Variants in PPP2CA observed in about 807,000 individuals in gnomAD.
The protein encoded by PPP2CA is protein phosphatase 2 catalytic subunit alpha, also known as serine/threonine-protein phosphatase 2A catalytic subunit alpha isoform.
A neutral mutation model predicts 38.8 loss-of-function variants in PPP2CA; 5 were observed. The observed-to-expected ratio is 0.13, with a 90% CI of 0.07 to 0.27. The LOEUF (loss-of-function observed/expected upper bound fraction) is 0.27, where lower values mean the gene tolerates loss of function less well. Ranked by LOEUF, PPP2CA falls within the 10% of genes least tolerant of loss-of-function variation. The probability of loss-of-function intolerance (pLI) is 1.00; values close to 1 mark genes in which losing one functional copy is unlikely to be tolerated. For synonymous variants in PPP2CA, 152 were observed against 134.0 expected, an observed-to-expected ratio of 1.13 and a Z score of -0.93; for missense variants, 88 against 389.7, an observed-to-expected ratio of 0.23 and a Z score of 6.52.
intron 1 of PPP2CA, among the ~76,000 whole-genome samples, chr5:134,210,738 C>T (rs1214466716): frequency 7.9e-5 from 12 of 152,182 alleles, no homozygotes; most frequent in South Asian, 2.1e-4. Flanking sequence ...GAGGCTGAGG[C>T]AGGGGCATCA....
At chr5:134,207,944 T>C (rs1172099256) in intron 1 of PPP2CA, among the ~76,000 whole-genome samples, 1 of 152,210 alleles carries the variant, frequency 6.6e-6, no homozygotes, top group Non-Finnish European at 1.5e-5. Flanking sequence ...TCCCATTTAC[T>C]ATCACTAAAA....
intron 1 of PPP2CA, chr5:134,224,470 G>T (rs530652237): frequency 2.8e-6 from 1 of 352,880 alleles, no homozygotes; most frequent in Non-Finnish European, 5.5e-6. Context: ...TCAAACTCAT[G>T]AACCTAATTT....
At chr5:134,199,307 C>A in intron 5 of PPP2CA, 103 bp from the exon 6 acceptor site, 1 of 810,596 alleles carries the variant, frequency 1.2e-6, no homozygotes, top group South Asian at 1.6e-5. Context: ...CCACCCCTGC[C>A]AAAGGGGCTT....
chr5:134,212,052 G>C (rs1468082512), intron 1 of PPP2CA, among the ~76,000 whole-genome samples: 1 of 152,110 alleles, frequency 6.6e-6, no homozygotes, highest in Admixed American at 6.5e-5. Context: ...CCTGGGAGGC[G>C]AGGTTGCAGT....
chr5:134,224,812 G>A (rs1444063063), intron 1 of PPP2CA, among the ~76,000 whole-genome samples: 1 of 152,202 alleles, frequency 6.6e-6, no homozygotes, highest in African/African-American at 2.4e-5. Flanking sequence ...GTGTATGTGA[G>A]ACATTATTTA....
At position 134,194,957 on chromosome 5, in the gene PPP2CA, G is replaced by A. The variant is rs1761817523; in HGVS notation, c.*2815C>T. 6.6e-6 allele frequency: 1 copy of A among 152,096 alleles called. No homozygotes were observed. Among genetic ancestry groups the A allele is most frequent in the African/African-American group, 2.4e-5 (1 of 41,424 alleles). The allele number at this position is 152,096 out of a possible 1,614,324, so 9.4% of individuals were successfully genotyped here. On this transcript the variant is annotated 3_prime_UTR_variant, in exon 7 of 7. Coordinates refer to ENST00000481195, the MANE Select transcript of PPP2CA (RefSeq NM_002715.4). ...GAATCACTTGGGAAACTTAAAAAAT[G>A]TATGCCTGGGCCCTCCTCCAGCAAT...
chr5:134,202,480 A>T (rs1344751849), intron 2 of PPP2CA: 1 of 154,504 alleles, frequency 6.5e-6, no homozygotes, highest in Non-Finnish European at 1.4e-5. Context: ...TAAATGGAAT[A>T]CAAAATGTAG....
chr5:134,209,503 T>G (rs1762156357), intron 1 of PPP2CA, among the ~76,000 whole-genome samples: 1 of 152,178 alleles, frequency 6.6e-6, no homozygotes, highest in Non-Finnish European at 1.5e-5. Flanking sequence ...CTGGGTGCAG[T>G]GGCTCACGCC....
chr5:134,201,628 C>G (rs1761968277), intron 3 of PPP2CA, among the ~76,000 whole-genome samples: 2 of 152,190 alleles, frequency 1.3e-5, no homozygotes, highest in Admixed American at 1.3e-4. Flanking sequence ...CCCCTGTGAT[C>G]CCACCATACA....
intron 1 of PPP2CA, among the ~76,000 whole-genome samples, chr5:134,212,312 T>C (rs1280659556): frequency 6.6e-6 from 1 of 152,236 alleles, no homozygotes; most frequent in Admixed American, 6.5e-5. Context: ...CACATCTTGG[T>C]ACTTCTAAAA....
In PPP2CA at chr5:134,199,056, G is replaced by C. The variant is rs374656756; in HGVS notation, c.857+30C>G. 1.2e-5 allele frequency: 18 copies of C among 1,510,312 alleles called. No homozygotes were observed. The African/African-American group carries it at 2.3e-4, about 20-fold the overall frequency. 93.6% of individuals were successfully genotyped at this position (1,510,312 alleles called of 1,614,324 possible). A position where few individuals can be genotyped will look rare whatever the true frequency, so the allele number is the denominator to read the frequency against. On this transcript the variant is annotated intron_variant, in intron 6 of 6. Transcript: ENST00000481195. ...ACCAAAACCCTACATATTCAGTAAT[G>C]CAAGAAAATGTTCAGGTAGAATTAC...
chr5:134,195,742 T>A lies in PPP2CA; in HGVS notation c.*2030A>T, dbSNP rs1331681846. The A allele has an allele frequency of 6.6e-6, 1 of 152,222 alleles. No individual in the cohort carries two copies. 9.4% of individuals were successfully genotyped at this position (152,222 alleles called of 1,614,324 possible). ...AGGTAGGGTACTAACACTTTCCAGT[T>A]TAGATGGCCAAAGCCCGGTCAGTCT... On this transcript the variant is annotated 3_prime_UTR_variant, in exon 7 of 7. Coordinates refer to ENST00000481195, the MANE Select transcript of PPP2CA (RefSeq NM_002715.4).
At chr5:134,198,732 A>T (rs918020532) in intron 6 of PPP2CA, among the ~76,000 whole-genome samples, 1 of 152,008 alleles carries the variant, frequency 6.6e-6, no homozygotes, top group Non-Finnish European at 1.5e-5. Context: ...TGCTGGGCTA[A>T]TTTTTGTATT....
chr5:134,198,009 G>T (rs763647675), intron 6 of PPP2CA, among the ~76,000 whole-genome samples, 165 bp from the exon 7 acceptor site: 2 of 152,102 alleles, frequency 1.3e-5, no homozygotes, highest in South Asian at 2.1e-4. Context: ...TACTCCCCTT[G>T]AAAGAGTCAA....
At chr5:134,201,221 G>A (rs1177689378) in intron 3 of PPP2CA, 147 bp from the exon 4 acceptor site, 1 of 626,120 alleles carries the variant, frequency 1.6e-6, no homozygotes, top group Non-Finnish European at 2.8e-6. Flanking sequence ...AGACCAACCT[G>A]AGCAACACAG....
At chr5:134,202,237 A>C (rs1761983157) in intron 2 of PPP2CA, 2 of 461,548 alleles carry the variant, frequency 4.3e-6, no homozygotes, top group Non-Finnish European at 7.5e-6. Flanking sequence ...AACTCCCTCT[A>C]CCACCAACTT....
chr5:134,223,990 G>C (rs868644693), intron 1 of PPP2CA, among the ~76,000 whole-genome samples: 2 of 152,194 alleles, frequency 1.3e-5, no homozygotes, highest in Non-Finnish European at 2.9e-5. Context: ...CCCAAAGTCT[G>C]TCACAATTAC....
intron 1 of PPP2CA, among the ~76,000 whole-genome samples, chr5:134,216,331 G>A (rs957390457): frequency 5.1e-4 from 77 of 152,048 alleles, no homozygotes; most frequent in Admixed American, 3.6e-3. Context: ...GAGGTCAGGA[G>A]TTTGAGAACA....
intron 1 of PPP2CA, among the ~76,000 whole-genome samples, chr5:134,222,200 TG>T (rs1378184358): frequency 5.3e-5 from 8 of 152,106 alleles, no homozygotes; most frequent in Non-Finnish European, 1.0e-4. Context: ...CATCTGTAAC[TG>T]AGAACAATAT....
Sources: gnomAD v4.1 joint callset for allele counts (sites outside exome capture counted in the v4.1 genomes callset) on GRCh38, gnomAD v4.1.1 for gene constraint, MANE v1.5 for transcripts, NCBI Gene and HGNC (gene_info 2026-07-23, HGNC 2026-07-21) for gene names.